The following ZSWIM5 variants were observed in gnomAD, a reference collection of about 807,000 sequenced individuals.
ZSWIM5 encodes zinc finger SWIM domain-containing protein 5.
In ZSWIM5, 55 loss-of-function variants were observed where a neutral mutation model predicts 119.6. The observed-to-expected ratio is 0.46, with a 90% confidence interval of 0.37 to 0.58. The LOEUF (loss-of-function observed/expected upper bound fraction) is 0.58, where lower values mean the gene tolerates loss of function less well. Ranked by LOEUF, ZSWIM5 falls within the 20% of genes least tolerant of loss-of-function variation. The pLI is 0.00. For synonymous variants in ZSWIM5, 537 were observed against 606.9 expected, an observed-to-expected ratio of 0.88 and a Z score of 1.69; for missense variants, 1,193 against 1,512.8, an observed-to-expected ratio of 0.79 and a Z score of 3.51.
intron 1 of ZSWIM5, among the ~76,000 whole-genome samples, chr1:45,181,249 G>A (rs918465018): frequency 6.6e-6 from 1 of 152,234 alleles, no homozygotes; most frequent in Admixed American, 6.6e-5. Context: ...AGGAGCTGAT[G>A]GAGCTGAAAG....
chr1:45,061,738 GTTTT>G (rs113825465), intron 2 of ZSWIM5, among the ~76,000 whole-genome samples: 1 of 142,566 alleles, frequency 7.0e-6, no homozygotes, highest in Non-Finnish European at 1.5e-5. Context: ...CACCTCACCA[GTTTT>G]TTTTTTTTTT....
At chr1:45,144,310 T>C (rs1274785239) in intron 1 of ZSWIM5, among the ~76,000 whole-genome samples, 3 of 151,918 alleles carry the variant, frequency 2.0e-5, no homozygotes, top group Admixed American at 6.6e-5. Context: ...GGAGGATCAT[T>C]TGAGGCCAGG....
rs116633714 is a variant in ZSWIM5 at position 45,092,851 on chromosome 1, G to A, written c.596-4614C>T. The stretch of plus-strand genomic sequence containing the variant: ...AATTCTGCCTCAAGTCTGCAGCACC[G>A]GGGCCTGCCCCAAAATTTCCAGCCT... On this transcript the variant is annotated intron_variant, in intron 1 of 13. Coordinates refer to ENST00000359600, the MANE Select transcript of ZSWIM5 (RefSeq NM_020883.2). 7.0e-3 allele frequency among the ~76,000 whole-genome samples: 1,064 copies of A among 152,300 alleles called. 12 individuals carry two copies. Among genetic ancestry groups the A allele is most frequent in the African/African-American group, 0.025 (1,020 of 41,562 alleles).
At chr1:45,034,278 G>A in intron 11 of ZSWIM5, 34 bp downstream of exon 11, 1 of 1,542,346 alleles carries the variant, frequency 6.5e-7, no homozygotes, top group Non-Finnish European at 8.7e-7. Flanking sequence ...AGGCAGACGG[G>A]TGATGCTGGA....
rs975607205 is a variant in ZSWIM5, at chr1:45,036,267, G to A, written c.1927C>T (p.His643Tyr). Residue 643 changes from histidine (H) to tyrosine (Y), a missense_variant, in exon 9 of 14, where the codon CAT becomes TAT. Transcript: ENST00000359600. ...MNESRPPVYQ[H>Y]VPVAAGSPNS... The stretch of plus-strand genomic sequence containing the variant: ...GGGGAGCCTGCAGCCACAGGTACAT[G>A]CTGGTACACAGGGGGTCTGCTTTCA... 31 of 1,613,778 alleles carry A rather than the reference G, an allele frequency of 1.9e-5. No homozygotes were observed. Among genetic ancestry groups the A allele is most frequent in the Non-Finnish European group, 2.6e-5 (31 of 1,180,014 alleles).
rs1043855942 is a variant in ZSWIM5 at position 45,206,320 on chromosome 1, G to A, written c.31C>T (p.Leu11Phe). The part of the protein sequence containing the change: MADGGEREEL[L>F]SPSPVSPAKR... ...GCCGGAGAGACCGGTGACGGCGAGA[G>A]CAGCTCCTCTCGCTCACCTCCGTCC... is the stretch of plus-strand genomic sequence containing the variant. The change falls in exon 1 of 14, where the codon CTC (leucine) becomes TTC (phenylalanine). Residue 11 changes from leucine (L) to phenylalanine (F), a missense_variant. Coordinates refer to ENST00000359600, the MANE Select transcript of ZSWIM5 (RefSeq NM_020883.2). The A allele has an allele frequency of 4.6e-6, 7 of 1,519,670 alleles. No homozygotes were observed. The African/African-American group carries it at 8.3e-5, about 18-fold the overall frequency. 94.1% of individuals were successfully genotyped at this position (1,519,670 alleles called of 1,614,324 possible). A position where few individuals can be genotyped will look rare whatever the true frequency, so the allele number is the denominator to read the frequency against.
At chr1:45,089,868 T>C (rs1645354278) in intron 1 of ZSWIM5, among the ~76,000 whole-genome samples, 1 of 152,152 alleles carries the variant, frequency 6.6e-6, no homozygotes, top group African/African-American at 2.4e-5. Context: ...CAGCTACACA[T>C]ATAAGTAAAT....
chr1:45,109,867 A>AT (rs1645505284), intron 1 of ZSWIM5, among the ~76,000 whole-genome samples: 1 of 151,558 alleles, frequency 6.6e-6, no homozygotes, highest in South Asian at 2.1e-4. Context: ...TATGTACTAT[A>AT]TTTTTCCTTT....
intron 1 of ZSWIM5, among the ~76,000 whole-genome samples, chr1:45,102,194 AAT>A (rs1645443632): frequency 6.6e-6 from 1 of 152,172 alleles, no homozygotes; most frequent in Non-Finnish European, 1.5e-5. Flanking sequence ...AACTTCTTAC[AAT>A]ATGATTTCTT....
intron 1 of ZSWIM5, among the ~76,000 whole-genome samples, chr1:45,107,535 A>T (rs1437433792): frequency 6.6e-6 from 1 of 150,614 alleles, no homozygotes; most frequent in African/African-American, 2.5e-5. Flanking sequence ...CCAGCTACTC[A>T]GGAGGCTGAG....
intron 1 of ZSWIM5, among the ~76,000 whole-genome samples, chr1:45,189,246 C>A (rs1303348968): frequency 6.6e-6 from 1 of 151,532 alleles, no homozygotes; most frequent in Admixed American, 6.6e-5. Flanking sequence ...ACCCGGGAGG[C>A]AGAGGCTGCA....
chr1:45,086,383 ACT>A (rs1221118694), intron 2 of ZSWIM5, among the ~76,000 whole-genome samples: 1 of 152,138 alleles, frequency 6.6e-6, no homozygotes, highest in African/African-American at 2.4e-5. Context: ...GTTTAGGGAA[ACT>A]CAAAAAACTT....
intron 2 of ZSWIM5, among the ~76,000 whole-genome samples, chr1:45,068,021 A>C (rs1645195655): frequency 6.6e-6 from 1 of 151,790 alleles, no homozygotes; most frequent in Non-Finnish European, 1.5e-5. Context: ...TTCAGCCTCC[A>C]CGTAAGCATT....
intron 1 of ZSWIM5, among the ~76,000 whole-genome samples, chr1:45,191,133 A>AGACCTCGTGATCCGCCCGCTCCTTATCCT (rs1358286816): frequency 2.0e-5 from 3 of 149,910 alleles, no homozygotes; most frequent in East Asian, 3.9e-4. Flanking sequence ...TTTTTAGTAG[A>AGACCTCGTGATCCGCCCGCTCCTTATCCT]GACCTCGTGA....
In ZSWIM5 at chr1:45,205,835, G is replaced by A. The variant is rs970173613; in HGVS notation, c.516C>T (p.Gly172=). 3.4e-6 allele frequency: 5 copies of A among 1,485,084 alleles called. No homozygotes were observed. The African/African-American group carries it at 5.8e-5, about 17-fold the overall frequency. The allele number at this position is 1,485,084 out of a possible 1,614,324, so 92.0% of individuals were successfully genotyped here. The change falls in exon 1 of 14, where the codon GGC becomes GGT. Residue 172 remains glycine (G), a synonymous_variant. Transcript: ENST00000359600. The part of the protein sequence containing the change: ...PGLGAGAGAA[G]CGGEGLPFRR... ...GGAACGGGAGCCCCTCGCCACCGCAGCCGGCCGCGCCGGCCCCTGCGCCCA... is the reference window on the plus strand; with the variant it reads ...GGAACGGGAGCCCCTCGCCACCGCAACCGGCCGCGCCGGCCCCTGCGCCCA...
At chr1:45,038,336 G>A (rs1644998090) in intron 8 of ZSWIM5, among the ~76,000 whole-genome samples, 6 of 152,142 alleles carry the variant, frequency 3.9e-5, no homozygotes, top group Admixed American at 3.3e-4. Context: ...TCTCGCCTCT[G>A]ACTGCTAAAA....
intron 1 of ZSWIM5, among the ~76,000 whole-genome samples, chr1:45,143,392 TA>T (rs1645742183): frequency 6.6e-6 from 1 of 151,990 alleles, no homozygotes; most frequent in African/African-American, 2.4e-5. Flanking sequence ...GTCTAAAGAA[TA>T]AAAAACATGA....
intron 2 of ZSWIM5, among the ~76,000 whole-genome samples, chr1:45,081,474 CT>C (rs1645290570): frequency 6.6e-6 from 1 of 152,240 alleles, no homozygotes; most frequent in African/African-American, 2.4e-5. Flanking sequence ...CCACGCCTGA[CT>C]GGTTTTCGTA....
chr1:45,071,175 C>G (rs1346045174), intron 2 of ZSWIM5, among the ~76,000 whole-genome samples: 1 of 152,084 alleles, frequency 6.6e-6, no homozygotes, highest in African/African-American at 2.4e-5. Flanking sequence ...TACTTATTGA[C>G]TATAATCGTC....
Sources: gnomAD v4.1 joint callset for allele counts (sites outside exome capture counted in the v4.1 genomes callset) on GRCh38, gnomAD v4.1.1 for gene constraint, MANE v1.5 for transcripts, NCBI Gene and HGNC (gene_info 2026-07-23, HGNC 2026-07-21) for gene names.